NAALADL2: variants seen among roughly 807,000 people sequenced by gnomAD.
NAALADL2 encodes inactive N-acetylated-alpha-linked acidic dipeptidase-like protein 2.
In NAALADL2, 76 loss-of-function variants were observed where a neutral mutation model predicts 87.2. The observed-to-expected ratio is 0.87, with a 90% CI of 0.72 to 1.05. The LOEUF is 1.05. Ranked by LOEUF, NAALADL2 falls within the 50% of genes least tolerant of loss-of-function variation. The probability of loss-of-function intolerance (pLI) is 0.00; values close to 1 mark genes in which losing one functional copy is unlikely to be tolerated. For missense variants in NAALADL2, 1,089 were observed against 945.8 expected (o/e 1.15, Z -1.99); for synonymous variants, 354 against 331.0 (o/e 1.07, Z -0.75).
intron 3 of NAALADL2, among the ~76,000 whole-genome samples, chr3:174,807,574 C>A (rs1579013785): frequency 1.3e-5 from 2 of 152,000 alleles, no homozygotes; most frequent in African/African-American, 4.8e-5. Flanking sequence ...AGCACGTCTT[C>A]CATGAATTTG....
chr3:174,532,123 T>G (rs1721297271), intron 1 of NAALADL2, among the ~76,000 whole-genome samples: 1 of 152,228 alleles, frequency 6.6e-6, no homozygotes, highest in Non-Finnish European at 1.5e-5. Flanking sequence ...TTGTGTTCAA[T>G]GCATCAGACA....
chr3:175,780,349 C>T (rs111283696), intron 13 of NAALADL2, among the ~76,000 whole-genome samples: 4,598 of 151,922 alleles, frequency 0.03, 85 homozygotes, highest in South Asian at 0.047. Flanking sequence ...ACACACTACA[C>T]ACACATGCAC....
At chr3:174,776,632 CA>C (rs1162668608) in intron 3 of NAALADL2, among the ~76,000 whole-genome samples, 2 of 152,144 alleles carry the variant, frequency 1.3e-5, no homozygotes, top group Non-Finnish European at 2.9e-5. Flanking sequence ...TGTAATGATA[CA>C]TTATAACTGA....
intron 2 of NAALADL2, among the ~76,000 whole-genome samples, chr3:175,228,022 C>A (rs16824878): frequency 6.6e-6 from 1 of 151,854 alleles, no homozygotes; most frequent in Non-Finnish European, 1.5e-5. Flanking sequence ...ATCATATTTT[C>A]TAGAGACCAG....
chr3:175,016,438 C>G (rs945512821), intron 1 of NAALADL2, among the ~76,000 whole-genome samples: 37 of 151,192 alleles, frequency 2.4e-4, no homozygotes, highest in Non-Finnish European at 4.1e-4. Context: ...CAATACACAC[C>G]ATAAGATTCC....
At chr3:174,719,504 G>A (rs1731507593) in intron 2 of NAALADL2, among the ~76,000 whole-genome samples, 1 of 152,146 alleles carries the variant, frequency 6.6e-6, no homozygotes, top group South Asian at 2.1e-4. Context: ...GTAAATGAAG[G>A]ACTTAGCAAC....
chr3:175,507,581 C>A (rs1279486868), intron 9 of NAALADL2, among the ~76,000 whole-genome samples: 1 of 152,026 alleles, frequency 6.6e-6, no homozygotes, highest in Admixed American at 6.6e-5. Context: ...CGTAACCATG[C>A]CGAACTAATT....
rs117112472 is a variant in NAALADL2 at position 175,624,794 on chromosome 3, A to G, written c.1801-2497A>G. ...ATAAGAACTTTAAGACTGAAAACAT[A>G]TCTGGATTAATTGAAATGATTCACA... is the stretch of plus-strand genomic sequence containing the variant. On this transcript the variant is annotated intron_variant, in intron 10 of 13. Coordinates refer to ENST00000454872, the MANE Select transcript of NAALADL2 (RefSeq NM_207015.3). Among the ~76,000 whole-genome samples the G allele has an allele frequency of 6.4e-4, 98 of 152,080 alleles. 2 individuals carry two copies. In the East Asian group the frequency reaches 0.016, roughly 25 times the overall value.
intron 11 of NAALADL2, among the ~76,000 whole-genome samples, chr3:175,721,385 T>C (rs1419169454): frequency 6.6e-6 from 1 of 152,120 alleles, no homozygotes; most frequent in East Asian, 1.9e-4. Context: ...CCTGTAATTA[T>C]AATAGCGTTG....
In NAALADL2 at chr3:175,667,187, GAA is replaced by G. The variant is rs561026385; in HGVS notation, c.1896+39803_1896+39804del. Among the ~76,000 whole-genome samples, 449 of 69,390 alleles carry G rather than the reference GAA, an allele frequency of 6.5e-3. 2 individuals carry two copies. Among genetic ancestry groups the G allele is most frequent in the African/African-American group, 0.035 (422 of 11,934 alleles). The allele number at this position is 69,390 out of a possible 152,430, so 45.5% of individuals were successfully genotyped here. Reference sequence around the variant, plus strand: ...AAAGAAAGAAAGAAAGAAAGAGAAAGAAAGAAAGAAAGAAAGAAAGAAAGAAA... The same window carrying G: ...AAAGAAAGAAAGAAAGAAAGAGAAAGAGAAAGAAAGAAAGAAAGAAAGAAA... On this transcript the variant is annotated intron_variant, in intron 11 of 13. Coordinates refer to ENST00000454872, the MANE Select transcript of NAALADL2 (RefSeq NM_207015.3).
In NAALADL2 at chr3:175,114,528, G is replaced by A. The variant is rs147629902; in HGVS notation, c.545+17237G>A. ...TTCTAAATGTATGCTAAACATATAA[G>A]TGTTTTACTTTTCTTAGAGTTACTT... On this transcript the variant is annotated intron_variant, in intron 2 of 13. Coordinates refer to ENST00000454872, the MANE Select transcript of NAALADL2 (RefSeq NM_207015.3). Among the ~76,000 whole-genome samples, 785 of 151,660 alleles carry A rather than the reference G, an allele frequency of 5.2e-3. 22 individuals carry two copies. The highest frequency in any genetic ancestry group is 4.7e-3 in the East Asian group (24 of 5,142).
At chr3:175,190,253 A>G (rs897167046) in intron 2 of NAALADL2, among the ~76,000 whole-genome samples, 2 of 152,110 alleles carry the variant, frequency 1.3e-5, no homozygotes, top group Admixed American at 6.5e-5. Context: ...CAAAGGAAAC[A>G]ACAGAATGAA....
chr3:174,830,544 T>C (rs112478211), intron 3 of NAALADL2, among the ~76,000 whole-genome samples: 15,591 of 150,744 alleles, frequency 0.1, 922 homozygotes, highest in Middle Eastern at 0.15. Context: ...AGTCAGGTAG[T>C]GTGATGCCTC....
At chr3:175,217,598 C>G (rs1384852426) in intron 2 of NAALADL2, among the ~76,000 whole-genome samples, 1 of 152,132 alleles carries the variant, frequency 6.6e-6, no homozygotes, top group Non-Finnish European at 1.5e-5. Flanking sequence ...ACTTATTTCT[C>G]AAGTTAGCTT....
intron 2 of NAALADL2, among the ~76,000 whole-genome samples, chr3:175,225,386 G>A (rs1294033671): frequency 1.3e-5 from 2 of 152,100 alleles, no homozygotes; most frequent in East Asian, 1.9e-4. Flanking sequence ...ATTGATTGTG[G>A]TTACCATTTA....
At chr3:175,077,577 A>T (rs1019305552) in intron 1 of NAALADL2, among the ~76,000 whole-genome samples, 4 of 152,192 alleles carry the variant, frequency 2.6e-5, no homozygotes, top group African/African-American at 9.6e-5. Flanking sequence ...AATGTAATGA[A>T]TTTGAGCTTT....
At chr3:175,368,223 A>G (rs1243946834) in intron 5 of NAALADL2, among the ~76,000 whole-genome samples, 1 of 152,096 alleles carries the variant, frequency 6.6e-6, no homozygotes, top group African/African-American at 2.4e-5. Flanking sequence ...ATCATGGTGG[A>G]TAAGCTTTTT....
chr3:175,248,125 A>C (rs2109728121), intron 3 of NAALADL2, among the ~76,000 whole-genome samples: 1 of 152,288 alleles, frequency 6.6e-6, no homozygotes, highest in East Asian at 1.9e-4. Flanking sequence ...CAATGTGATG[A>C]AAAATTATAT....
chr3:175,500,954 T>G (rs1180367372), intron 9 of NAALADL2, among the ~76,000 whole-genome samples: 2 of 152,112 alleles, frequency 1.3e-5, no homozygotes, highest in African/African-American at 4.8e-5. Flanking sequence ...CAAACTGTAA[T>G]TTAGAATGAT....
Sources: allele counts gnomAD v4.1 joint callset (sites outside exome capture counted in the v4.1 genomes callset), GRCh38; gene constraint gnomAD v4.1.1; transcripts MANE v1.5; gene names NCBI Gene and HGNC (gene_info 2026-07-23, HGNC 2026-07-21).